KCNN4: variants seen among roughly 807,000 people sequenced by gnomAD.
KCNN4 encodes potassium calcium-activated channel subfamily N member 4.
In KCNN4, 31 loss-of-function variants were observed where a neutral mutation model predicts 45.2. The observed-to-expected ratio is 0.69, with a 90% CI of 0.52 to 0.92. The LOEUF (loss-of-function observed/expected upper bound fraction) is 0.92, where lower values mean the gene tolerates loss of function less well. Ranked by LOEUF, KCNN4 falls within the 40% of genes least tolerant of loss-of-function variation. The pLI is 0.00. For synonymous variants in KCNN4, 231 were observed against 254.6 expected (o/e 0.91, Z 0.88); for missense variants, 463 against 574.0 (o/e 0.81, Z 1.98).
At position 43,774,158 on chromosome 19, in the gene KCNN4, C is replaced by T. The variant is rs765250761; in HGVS notation, c.683+34G>A. 1 of 1,575,252 alleles carries T rather than the reference C, an allele frequency of 6.3e-7. No homozygotes were observed. The stretch of plus-strand genomic sequence containing the variant: ...ACGGCCGCCGTGGCTGTCCGGGGTT[C>T]CCCCCTGCGCATTTATGCCTCCATC... On this transcript the variant is annotated intron_variant, in intron 3 of 8. Transcript: ENST00000648319. This position sits in a 1 kb window ranked among gnomAD's most constrained non-coding sequence, Gnocchi z 5.6.
intron 1 of KCNN4, among the ~76,000 whole-genome samples, chr19:43,777,040 C>T (rs1203604994): frequency 2.6e-5 from 4 of 152,024 alleles, no homozygotes; most frequent in East Asian, 1.9e-4. Context: ...TGAGAGATCG[C>T]GCCACTGCAC....
At chr19:43,777,522 G>A (rs1969848377) in intron 1 of KCNN4, among the ~76,000 whole-genome samples, 1 of 152,072 alleles carries the variant, frequency 6.6e-6, no homozygotes, top group African/African-American at 2.4e-5. Flanking sequence ...CCGGAGGGCT[G>A]AGTCCCTGAG....
rs1969505256 is a variant in KCNN4 at position 43,767,263 on chromosome 19, C to CA, written c.*4-175dup. 9.7e-6 allele frequency: 4 copies of CA among 411,096 alleles called. No individual in the cohort carries two copies. The East Asian group carries it at 1.6e-4, about 16-fold the overall frequency. 25.5% of individuals were successfully genotyped at this position (411,096 alleles called of 1,614,324 possible). ...CATTTAGACAGAGACATTGGATGGA[C>CA]AGCCAGACAATGTGCCCAGGACAGG... On this transcript the variant is annotated intron_variant, in intron 8 of 8. Transcript: ENST00000648319.
Position 43,778,481 on chromosome 19 carries a change from C to T in KCNN4, c.160-1845G>A, listed in dbSNP as rs563724218. Among the ~76,000 whole-genome samples the T allele has an allele frequency of 4.1e-4, 63 of 152,256 alleles. 1 individual carries two copies. In the South Asian group the frequency reaches 0.013, roughly 32 times the overall value. Reference sequence around the variant, plus strand: ...GTCTCGATGTCCTGACCTTGTGATCCGCCCACCTCGGCCTCCCAAAGTGCT... The same window carrying T: ...GTCTCGATGTCCTGACCTTGTGATCTGCCCACCTCGGCCTCCCAAAGTGCT... On this transcript the variant is annotated intron_variant, in intron 1 of 8. Coordinates refer to ENST00000648319, the MANE Select transcript of KCNN4 (RefSeq NM_002250.3).
rs770976851 is a variant in KCNN4 at position 43,774,516 on chromosome 19, G to A, written c.359C>T (p.Ala120Val). The A allele has an allele frequency of 6.3e-7, 1 of 1,595,670 alleles. No homozygotes were observed. ...LELVVCGLHPAPVRGPPCVQD... is the reference protein window; with the variant it reads ...LELVVCGLHPVPVRGPPCVQD... ...CACGCACGGCGGGCCCCGCACGGGC[G>A]CCGGGTGCAGCCCACACACCACCAG... The change falls in exon 3 of 9, where the codon GCG becomes GTG. Residue 120 changes from alanine to valine, a missense_variant. Physicochemically the swap from Ala to Val is moderately conservative, Grantham distance 64. This residue lies in a region of KCNN4 where 225 missense variants were observed against 240.9 expected (regional missense o/e 0.93). Coordinates refer to ENST00000648319, the MANE Select transcript of KCNN4 (RefSeq NM_002250.3). This position sits in a 1 kb window ranked among gnomAD's most constrained non-coding sequence, Gnocchi z 5.6.
intron 1 of KCNN4, among the ~76,000 whole-genome samples, chr19:43,778,077 A>G (rs1184288905): frequency 2.0e-5 from 3 of 149,066 alleles, no homozygotes; most frequent in Non-Finnish European, 4.5e-5. Flanking sequence ...CCCTCCTCAC[A>G]CTGCAATTTG....
rs371019645 is a variant in KCNN4, at chr19:43,767,456, C to T, written c.*3+84G>A. 62 of 1,487,186 alleles carry T rather than the reference C, an allele frequency of 4.2e-5. No individual in the cohort carries two copies. The African/African-American group carries it at 7.9e-4, about 19-fold the overall frequency. The allele number at this position is 1,487,186 out of a possible 1,614,324, so 92.1% of individuals were successfully genotyped here. A position where few individuals can be genotyped will look rare whatever the true frequency, so the allele number is the denominator to read the frequency against. On this transcript the variant is annotated intron_variant, in intron 8 of 8. Transcript: ENST00000648319. ...AAGGCGGCCTTGTCTCCCAGCCATC[C>T]CCCGCCCCCTTAGCCACATAGGGTG...
chr19:43,775,289 T>G (rs1050263661), intron 2 of KCNN4, among the ~76,000 whole-genome samples: 10 of 152,204 alleles, frequency 6.6e-5, no homozygotes, highest in African/African-American at 2.4e-4. Flanking sequence ...GTCATGCCAC[T>G]GCACTCTAGC....
Position 43,769,566 on chromosome 19 carries a change from G to A in KCNN4, c.931-6C>T. 1 of 1,611,880 alleles carries A rather than the reference G, an allele frequency of 6.2e-7. No homozygotes were observed. The highest frequency in any genetic ancestry group is 8.5e-7 in the Non-Finnish European group (1 of 1,177,938). ...CGGGCAGCGGACTCCTTCATCTGGG[G>A]GTGGGTGGCACAGTGTCCGTGGAGA... On this transcript the variant is annotated splice_polypyrimidine_tract_variant and splice_region_variant and intron_variant, in intron 5 of 8. Coordinates refer to ENST00000648319, the MANE Select transcript of KCNN4 (RefSeq NM_002250.3). This position sits in a 1 kb window ranked among gnomAD's most constrained non-coding sequence, Gnocchi z 4.4.
Position 43,767,673 on chromosome 19 carries a change from A to G in KCNN4, c.1154T>C (p.Leu385Pro). ...HMILYDLQQN[L>P]SSSHRALEKQ... ...CTCCAGGGCCCGGTGTGAGCTGCTC[A>G]GATTCTGCTGCAGGTCATACAGGAT... Residue 385 changes from leucine (L) to proline (P), a missense_variant, in exon 8 of 9, where the codon CTG (leucine) becomes CCG (proline). Around this residue, in one of 3 missense-constraint regions of KCNN4, gnomAD observed 129 missense variants for 149.4 expected, o/e 0.86. Coordinates refer to ENST00000648319, the MANE Select transcript of KCNN4 (RefSeq NM_002250.3). 6.2e-7 allele frequency: 1 copy of G among 1,614,126 alleles called. No homozygotes were observed. The highest frequency in any genetic ancestry group is 1.3e-5 in the African/African-American group (1 of 75,040).
chr19:43,777,826 G>A (rs970940938), intron 1 of KCNN4, among the ~76,000 whole-genome samples: 6 of 152,112 alleles, frequency 3.9e-5, no homozygotes, highest in East Asian at 1.9e-4. Flanking sequence ...CCACCTGGGC[G>A]TCCTTACAAA....
At chr19:43,767,779 TG>T in intron 7 of KCNN4, 72 bp from the exon 8 acceptor site, 2 of 1,569,038 alleles carry the variant, frequency 1.3e-6, no homozygotes, top group Non-Finnish European at 1.7e-6. Flanking sequence ...CGTAAGGCAA[TG>T]GAACCAATAT....
rs182150133 is a variant in KCNN4, at chr19:43,769,672, G to C, written c.930+47C>G. ...GGGAAGCAGGGGCGCCTGGACTCCT[G>C]CTTCTTGGAAGAGGGGTGTCCCATG... is the stretch of plus-strand genomic sequence containing the variant. On this transcript the variant is annotated intron_variant, in intron 5 of 8. Transcript: ENST00000648319. This position sits in a 1 kb window ranked among gnomAD's most constrained non-coding sequence, Gnocchi z 4.4. 1.9e-6 allele frequency: 3 copies of C among 1,570,498 alleles called. No individual in the cohort carries two copies. In the East Asian group the frequency reaches 6.7e-5, roughly 35 times the overall value.
intron 2 of KCNN4, 52 bp downstream of exon 2, chr19:43,776,488 AG>A: frequency 1.7e-6 from 2 of 1,210,706 alleles, no homozygotes; most frequent in Non-Finnish European, 2.5e-6. Context: ...GTGAGCTGAC[AG>A]GGCGCTGAGG....
At chr19:43,780,234 A>G (rs1969932892) in intron 1 of KCNN4, among the ~76,000 whole-genome samples, 1 of 151,958 alleles carries the variant, frequency 6.6e-6, no homozygotes, top group Non-Finnish European at 1.5e-5. Flanking sequence ...AGACTGAAAC[A>G]CTGAAACAAA....
chr19:43,767,745 G>A (rs745460184), intron 7 of KCNN4, 38 bp from the exon 8 acceptor site: 17 of 1,611,954 alleles, frequency 1.1e-5, no homozygotes, highest in Non-Finnish European at 1.4e-5. Flanking sequence ...TCGGGGCTGG[G>A]GTCGACCCCC....
In KCNN4 at chr19:43,768,980, T is replaced by C. The variant is rs753734822; in HGVS notation, c.1102A>G (p.Met368Val). The C allele has an allele frequency of 1.9e-6, 3 of 1,613,920 alleles. No individual in the cohort carries two copies. The South Asian group carries it at 3.3e-5, about 18-fold the overall frequency. Residue 368 changes from methionine to valine, a missense_variant, in exon 7 of 9, where the codon ATG becomes GTG. Transcript: ENST00000648319. ...CCTAGTACCTTGGAGATGTCCACCA[T>C]GGAGTTCACTTGTTCCCGGAGCTTC... ...HRKLREQVNS[M>V]VDISKMHMIL...
chr19:43,777,895 G>A (rs989728974), intron 1 of KCNN4, among the ~76,000 whole-genome samples: 6 of 152,136 alleles, frequency 3.9e-5, no homozygotes, highest in East Asian at 1.9e-4. Context: ...CCAGCATCCC[G>A]CCTCTGAGCA....
At chr19:43,776,830 G>A (rs1969820640) in intron 1 of KCNN4, 194 bp from the exon 2 acceptor site, 2 of 570,772 alleles carry the variant, frequency 3.5e-6, no homozygotes, top group South Asian at 2.0e-5. Context: ...CAGTGCGGTG[G>A]CTCACACCTG....
Sources: allele counts gnomAD v4.1 joint callset (sites outside exome capture counted in the v4.1 genomes callset), GRCh38; gene constraint gnomAD v4.1.1; regional missense constraint gnomAD v4.1.1; non-coding constraint Gnocchi (gnomAD v3.1); transcripts MANE v1.5; gene names NCBI Gene and HGNC (gene_info 2026-07-23, HGNC 2026-07-21).